ARFGEF2: variants seen among roughly 807,000 people sequenced by gnomAD.
ARFGEF2 encodes the protein ARF guanine nucleotide exchange factor 2.
Under a neutral mutation model 219.9 loss-of-function variants are expected in ARFGEF2, and 74 were observed. The observed-to-expected ratio is 0.34, with a 90% CI of 0.28 to 0.41. The LOEUF (loss-of-function observed/expected upper bound fraction) is 0.41. ARFGEF2 is among the 10% of genes least tolerant of loss of function. The probability of loss-of-function intolerance (pLI) is 1.00; values close to 1 mark genes in which losing one functional copy is unlikely to be tolerated. For synonymous variants in ARFGEF2, 733 were observed against 799.2 expected, an observed-to-expected ratio of 0.92 and a Z score of 1.40; for missense variants, 1,743 against 2,218.3, an observed-to-expected ratio of 0.79 and a Z score of 4.30.
chr20:49,009,595 T>A (rs1015005954), intron 26 of ARFGEF2, among the ~76,000 whole-genome samples: 1 of 152,230 alleles, frequency 6.6e-6, no homozygotes, highest in African/African-American at 2.4e-5. Flanking sequence ...TAATTGTATG[T>A]CTTAACAGGT....
At chr20:49,023,264 A>G in intron 35 of ARFGEF2, 83 bp downstream of exon 35, 1 of 1,551,806 alleles carries the variant, frequency 6.4e-7, no homozygotes, top group South Asian at 1.1e-5. Context: ...GCCAGCTTGT[A>G]CTGGCTTTCC....
At chr20:48,985,015 C>T (rs2091319010) in intron 15 of ARFGEF2, 175 bp downstream of exon 15, 30 of 683,566 alleles carry the variant, frequency 4.4e-5, no homozygotes, top group Admixed American at 6.3e-5. Context: ...ATCCCGTTGG[C>T]TAGTGTTGCA....
intron 36 of ARFGEF2, among the ~76,000 whole-genome samples, chr20:49,027,087 TA>T (rs1010280078): frequency 5.3e-5 from 8 of 151,994 alleles, no homozygotes; most frequent in Admixed American, 1.3e-4. Flanking sequence ...TTTTATTATT[TA>T]TTTTTTTATT....
chr20:48,935,944 G>T (rs548440714), intron 1 of ARFGEF2, among the ~76,000 whole-genome samples: 60 of 139,244 alleles, frequency 4.3e-4, no homozygotes, highest in Middle Eastern at 3.9e-3. Context: ...GGCCGGGGGG[G>T]GGGGCTGACC....
intron 34 of ARFGEF2, among the ~76,000 whole-genome samples, chr20:49,021,322 C>T (rs764202824): frequency 6.6e-5 from 10 of 152,000 alleles, no homozygotes; most frequent in Non-Finnish European, 1.3e-4. Context: ...GACAACTCAA[C>T]CTCCTTGTTT....
chr20:48,980,660 G>A (rs1470709985), intron 14 of ARFGEF2, among the ~76,000 whole-genome samples: 1 of 152,168 alleles, frequency 6.6e-6, no homozygotes, highest in Non-Finnish European at 1.5e-5. Context: ...ATGAATCTAG[G>A]TGCTCCCGTA....
intron 27 of ARFGEF2, among the ~76,000 whole-genome samples, chr20:49,011,560 A>T (rs1166478232): frequency 6.6e-6 from 1 of 152,230 alleles, no homozygotes; most frequent in African/African-American, 2.4e-5. Flanking sequence ...ACTGACCAGG[A>T]GTCCTGGGTT....
intron 1 of ARFGEF2, among the ~76,000 whole-genome samples, chr20:48,931,194 G>A (rs1322314011): frequency 6.6e-6 from 1 of 152,230 alleles, no homozygotes; most frequent in Non-Finnish European, 1.5e-5. Context: ...TGTGGGAGGA[G>A]GGAGATGTGG....
At chr20:48,962,295 G>A (rs759869549) in intron 6 of ARFGEF2, among the ~76,000 whole-genome samples, 40 of 152,310 alleles carry the variant, frequency 2.6e-4, no homozygotes, top group Non-Finnish European at 3.4e-4. Context: ...TGGTAGCACA[G>A]TAGGTTTGTT....
chr20:49,021,228 C>T (rs2091563122), intron 34 of ARFGEF2, among the ~76,000 whole-genome samples: 1 of 150,620 alleles, frequency 6.6e-6, no homozygotes, highest in Non-Finnish European at 1.5e-5. Flanking sequence ...ATGGTGAGAC[C>T]CCATCTCTAA....
intron 3 of ARFGEF2, among the ~76,000 whole-genome samples, chr20:48,950,444 A>G (rs991150399): frequency 5.3e-5 from 8 of 152,100 alleles, no homozygotes; most frequent in African/African-American, 1.7e-4. Context: ...TCATATATAT[A>G]TATAATTTTA....
intron 23 of ARFGEF2, among the ~76,000 whole-genome samples, chr20:48,996,638 G>A (rs528292489): frequency 2.0e-5 from 3 of 151,904 alleles, no homozygotes; most frequent in South Asian, 2.1e-4. Context: ...CAGCTACTCG[G>A]GAGGCTGAGG....
chr20:48,936,632 C>T lies in ARFGEF2; in HGVS notation c.122-4567C>T, dbSNP rs1473327333. 1.3e-5 allele frequency among the ~76,000 whole-genome samples: 2 copies of T among 152,270 alleles called. 1 individual carries two copies. Among genetic ancestry groups the T allele is most frequent in the South Asian group, 4.1e-4 (2 of 4,824 alleles). On this transcript the variant is annotated intron_variant, in intron 1 of 38. Coordinates refer to ENST00000371917, the MANE Select transcript of ARFGEF2 (RefSeq NM_006420.3). ...CTTTGCCTCCAGGGTTCAAGCAGTT[C>T]TCCTGCCTCAGCTTCCTGAGTAGCT...
intron 30 of ARFGEF2, among the ~76,000 whole-genome samples, chr20:49,014,679 A>G (rs1483230327): frequency 6.6e-6 from 1 of 152,154 alleles, no homozygotes; most frequent in African/African-American, 2.4e-5. Context: ...TAATCCCAGC[A>G]TTTTGGGAAG....
chr20:48,932,391 T>G (rs886852636), intron 1 of ARFGEF2, among the ~76,000 whole-genome samples: 2 of 151,978 alleles, frequency 1.3e-5, no homozygotes, highest in Non-Finnish European at 2.9e-5. Flanking sequence ...GTAGCCATCG[T>G]GGAGAGTGAG....
At position 49,018,592 on chromosome 20, in the gene ARFGEF2, C is replaced by T. The variant is rs977840017; in HGVS notation, c.4510-292C>T. ...CACTAGTAATTTATCTTTGAACTTG[C>T]TCGCATAAAAAATTTGTCACACTTA... On this transcript the variant is annotated intron_variant, in intron 33 of 38. Transcript: ENST00000371917. Among the ~76,000 whole-genome samples the T allele has an allele frequency of 2.0e-5, 3 of 152,152 alleles. No individual in the cohort carries two copies. The South Asian group carries it at 6.2e-4, about 31-fold the overall frequency.
chr20:48,934,625 T>A (rs2090935371), intron 1 of ARFGEF2, among the ~76,000 whole-genome samples: 1 of 152,204 alleles, frequency 6.6e-6, no homozygotes, highest in South Asian at 2.1e-4. Context: ...TGTTCCTATG[T>A]TAGTTTGCTG....
chr20:49,014,513 T>C (rs2091518913), intron 30 of ARFGEF2, among the ~76,000 whole-genome samples: 1 of 152,128 alleles, frequency 6.6e-6, no homozygotes, highest in African/African-American at 2.4e-5. Flanking sequence ...CACCGCAACA[T>C]AAAAGTGACA....
intron 6 of ARFGEF2, among the ~76,000 whole-genome samples, chr20:48,959,417 CTCCCTCCCTTCTTCCTTCCCTCCG>C (rs1327986027): frequency 1.6e-5 from 1 of 63,858 alleles, no homozygotes; most frequent in Non-Finnish European, 3.2e-5. Flanking sequence ...CCTTCCCTCC[CTCCCTCCCTTCTTCCTTCCCTCCG>C]TCCCTCCTTC....
Sources: allele counts gnomAD v4.1 joint callset (sites outside exome capture counted in the v4.1 genomes callset), GRCh38; gene constraint gnomAD v4.1.1; transcripts MANE v1.5; gene names NCBI Gene and HGNC (gene_info 2026-07-23, HGNC 2026-07-21).